SEC23B: variants seen among roughly 807,000 people sequenced by gnomAD.
SEC23B encodes the protein protein transport protein Sec23B.
Under a neutral mutation model 104.3 loss-of-function variants are expected in SEC23B, and 77 were observed. That is an observed-to-expected ratio of 0.74 (90% CI 0.61 to 0.89). SEC23B has a LOEUF of 0.89. SEC23B is among the 40% of genes least tolerant of loss of function. The pLI, the probability that SEC23B is intolerant of heterozygous loss-of-function variation, is 0.00. For missense variants in SEC23B, 885 were observed against 949.4 expected (o/e 0.93, Z 0.89); for synonymous variants, 338 against 332.5 (o/e 1.02, Z -0.18).
rs6112020 is a variant in SEC23B, at chr20:18,542,015, G to A, written c.1405-281G>A. On this transcript the variant is annotated intron_variant, in intron 12 of 19. Transcript: ENST00000650089. ...TGATTCATCAATCCATCTTCGTTTT[G>A]CTGCATTTCAAAACAAGCCTCAGTC... Among the ~76,000 whole-genome samples the A allele has an allele frequency of 0.67, 101,909 of 152,108 alleles. 35,866 individuals are homozygous for A. Among genetic ancestry groups the A allele is most frequent in the Non-Finnish European group, 0.8 (54,115 of 67,990 alleles).
Position 18,543,114 on chromosome 20 carries a change from C to T in SEC23B, c.1607C>T (p.Ala536Val), listed in dbSNP as rs535355543. The change falls in exon 14 of 20, where the codon GCG becomes GTG. Residue 536 changes from alanine (A) to valine (V), a missense_variant. By Grantham distance (64) the Ala-to-Val change is moderately conservative. Transcript: ENST00000650089. Reference sequence around the variant, plus strand: ...ATGGCACGGCTTGGGGTGTTCCGAGCGGAGTCAGAGGAGGGGCCCGATGTG... The same window carrying T: ...ATGGCACGGCTTGGGGTGTTCCGAGTGGAGTCAGAGGAGGGGCCCGATGTG... ...VLMARLGVFRAESEEGPDVLR... is the reference protein window; with the variant it reads ...VLMARLGVFRVESEEGPDVLR... 26 of 1,613,992 alleles carry T rather than the reference C, an allele frequency of 1.6e-5. No homozygotes were observed. Among genetic ancestry groups the T allele is most frequent in the East Asian group, 6.7e-5 (3 of 44,896 alleles).
At chr20:18,542,712 A>G (rs142290439) in intron 13 of SEC23B, among the ~76,000 whole-genome samples, 1,656 of 152,248 alleles carry the variant, frequency 0.011, 36 homozygotes, top group African/African-American at 0.038. Context: ...ACAGCTCACC[A>G]CAGCCTCAAC....
chr20:18,553,030 G>A (rs1294076857), intron 17 of SEC23B, among the ~76,000 whole-genome samples: 1 of 152,172 alleles, frequency 6.6e-6, no homozygotes, highest in African/African-American at 2.4e-5. Flanking sequence ...ACCGAGGGCC[G>A]ACTGTACTAA....
rs549670842 is a variant in SEC23B, at chr20:18,554,413, C to T, written c.2148+23C>T. Reference sequence around the variant, plus strand: ...CAGGTGAGTGAGCTGAGTTCTAACTCCAGTGGTTTGTTCGTTTTATGATAG... The same window carrying T: ...CAGGTGAGTGAGCTGAGTTCTAACTTCAGTGGTTTGTTCGTTTTATGATAG... On this transcript the variant is annotated intron_variant, in intron 18 of 19. Transcript: ENST00000650089. The T allele has an allele frequency of 2.5e-6, 4 of 1,613,942 alleles. No individual in the cohort carries two copies. In the African/African-American group the frequency reaches 4.0e-5, roughly 16 times the overall value.
At position 18,543,070 on chromosome 20, in the gene SEC23B, G is replaced by T; in HGVS notation, c.1563G>T (p.Gln521His). Reference sequence around the variant, plus strand: ...GGCACATAGAAGCAGCATTTGACCAGGAGGCTGCGGCAGTGTTGATGGCAC... The same window carrying T: ...GGCACATAGAAGCAGCATTTGACCATGAGGCTGCGGCAGTGTTGATGGCAC... Reference protein sequence around the residue: ...QLRHIEAAFDQEAAAVLMARL... With the variant: ...QLRHIEAAFDHEAAAVLMARL... Residue 521 changes from glutamine to histidine, a missense_variant, in exon 14 of 20, where the codon CAG (glutamine) becomes CAT (histidine). By Grantham distance (24) the Gln-to-His change is conservative (BLOSUM62 0). Coordinates refer to ENST00000650089, the MANE Select transcript of SEC23B (RefSeq NM_006363.6). 1 of 1,614,196 alleles carries T rather than the reference G, an allele frequency of 6.2e-7. No homozygotes were observed. The highest frequency in any genetic ancestry group is 8.5e-7 in the Non-Finnish European group (1 of 1,180,032).
rs1471373100 is a variant in SEC23B, at chr20:18,526,514, A to G, written c.976A>G (p.Met326Val). 5.0e-6 allele frequency: 8 copies of G among 1,614,088 alleles called. No homozygotes were observed. The African/African-American group carries it at 1.1e-4, about 22-fold the overall frequency. Residue 326 changes from methionine to valine, a missense_variant, in exon 8 of 20, where the codon ATG (methionine) becomes GTG (valine). Transcript: ENST00000650089. ...TATTGAGAAAGATAATGCACGATTC[A>G]TGAAAAAGGCAACCAAGGTAGGTGC... ...HDIEKDNARF[M>V]KKATKHYEML...
chr20:18,514,693 CATT>C (rs1037307442), intron 3 of SEC23B, among the ~76,000 whole-genome samples: 1 of 152,196 alleles, frequency 6.6e-6, no homozygotes, highest in Admixed American at 6.5e-5. Context: ...ATGCCTGTGG[CATT>C]ATGTTGACTG....
intron 19 of SEC23B, among the ~76,000 whole-genome samples, chr20:18,559,081 G>GT (rs1365335295): frequency 2.4e-5 from 2 of 81,644 alleles, no homozygotes; most frequent in African/African-American, 1.0e-4. Context: ...GGTGGTTGGT[G>GT]GGGGGGGTGT....
chr20:18,521,224 C>T (rs1372974239), intron 4 of SEC23B, among the ~76,000 whole-genome samples: 1 of 152,190 alleles, frequency 6.6e-6, no homozygotes, highest in Non-Finnish European at 1.5e-5. Context: ...TATTATTGTA[C>T]ACCTTGAAGG....
At chr20:18,559,082 G>GA (rs1046083822) in intron 19 of SEC23B, among the ~76,000 whole-genome samples, 1 of 151,326 alleles carries the variant, frequency 6.6e-6, no homozygotes, top group Non-Finnish European at 1.5e-5. Context: ...GTGGTTGGTG[G>GA]GGGGGGTGTC....
In SEC23B at chr20:18,548,757, A is replaced by G. The variant is rs753860159; in HGVS notation, c.1892A>G (p.His631Arg). Residue 631 changes from histidine to arginine, a missense_variant, in exon 16 of 20, where the codon CAT becomes CGT. Physicochemically the swap from His to Arg is conservative, Grantham distance 29. Coordinates refer to ENST00000650089, the MANE Select transcript of SEC23B (RefSeq NM_006363.6). ...CCCATTCTCTACTCTTACTCCTTTC[A>G]TGGGCCACCAGAGGTGAGGCTCTAC... Reference protein sequence around the residue: ...IQPILYSYSFHGPPEPVLLDS... With the variant: ...IQPILYSYSFRGPPEPVLLDS... 1.3e-5 allele frequency: 21 copies of G among 1,613,972 alleles called. No homozygotes were observed. Among genetic ancestry groups the G allele is most frequent in the Admixed American group, 1.7e-5 (1 of 59,994 alleles).
intron 9 of SEC23B, among the ~76,000 whole-genome samples, chr20:18,530,151 G>T (rs6081186): frequency 6.6e-6 from 1 of 152,082 alleles, no homozygotes. Context: ...CTGTTCTTAA[G>T]GCTTCTGTTT....
chr20:18,526,330 G>T, intron 7 of SEC23B, 43 bp from the exon 8 acceptor site: 8 of 1,605,972 alleles, frequency 5.0e-6, no homozygotes, highest in Non-Finnish European at 6.8e-6. Flanking sequence ...ATACTAAAAG[G>T]TGAGGCTGTA....
intron 13 of SEC23B, 55 bp downstream of exon 13, chr20:18,542,457 A>G: frequency 1.4e-6 from 2 of 1,418,680 alleles, no homozygotes; most frequent in Non-Finnish European, 2.0e-6. Flanking sequence ...TTTTCCCTTG[A>G]AGAGATACTT....
At chr20:18,533,072 G>GCAAA (rs1184159229) in intron 11 of SEC23B, among the ~76,000 whole-genome samples, 1 of 152,192 alleles carries the variant, frequency 6.6e-6, no homozygotes, top group Non-Finnish European at 1.5e-5. Context: ...TCAGCACAAG[G>GCAAA]CAAACATTCA....
chr20:18,537,727 A>G (rs2060249349), intron 12 of SEC23B, among the ~76,000 whole-genome samples: 1 of 152,132 alleles, frequency 6.6e-6, no homozygotes, highest in South Asian at 2.1e-4. Flanking sequence ...CCTAAAACTT[A>G]AAGTATAATA....
Position 18,555,151 on chromosome 20 carries a change from A to G in SEC23B, c.2192A>G (p.Asn731Ser), listed in dbSNP as rs958426878. ...AAAGTGAACCCATCTCAGACACACA[A>G]TAACCTGTATGCTTGGGGACAGGTA... ...LSKVNPSQTHNNLYAWGQETG... is the reference protein window; with the variant it reads ...LSKVNPSQTHSNLYAWGQETG... The change falls in exon 19 of 20, where the codon AAT (asparagine) becomes AGT (serine). Residue 731 changes from asparagine (N) to serine (S), a missense_variant. By Grantham distance (46) the Asn-to-Ser change is conservative. Transcript: ENST00000650089. The G allele has an allele frequency of 2.5e-6, 4 of 1,613,710 alleles. No individual in the cohort carries two copies. Among genetic ancestry groups the G allele is most frequent in the Non-Finnish European group, 3.4e-6 (4 of 1,179,742 alleles).
intron 12 of SEC23B, among the ~76,000 whole-genome samples, chr20:18,537,058 C>T (rs1184208129): frequency 6.6e-6 from 1 of 152,162 alleles, no homozygotes; most frequent in Non-Finnish European, 1.5e-5. Context: ...CAGTTCAAAC[C>T]TGTGTTACTC....
rs6136406 is a variant in SEC23B at position 18,548,463 on chromosome 20, G to C, written c.1744-146G>C. The stretch of plus-strand genomic sequence containing the variant: ...AGTTTTCCTCTTTCCCTAGCCCCTG[G>C]TGCCCCCTTATGCTTTCTGTTCTGT... On this transcript the variant is annotated intron_variant, in intron 15 of 19. Coordinates refer to ENST00000650089, the MANE Select transcript of SEC23B (RefSeq NM_006363.6). The C allele has an allele frequency of 0.73, 547,020 of 745,736 alleles. 205,525 individuals are homozygous for C. The highest frequency in any genetic ancestry group is 0.8 in the Non-Finnish European group (348,354 of 437,976). The allele number at this position is 745,736 out of a possible 1,614,324, so 46.2% of individuals were successfully genotyped here.
Sources: gnomAD v4.1 joint callset for allele counts (sites outside exome capture counted in the v4.1 genomes callset) on GRCh38, gnomAD v4.1.1 for gene constraint, MANE v1.5 for transcripts, NCBI Gene and HGNC (gene_info 2026-07-23, HGNC 2026-07-21) for gene names.